Variants in LARS2 observed in about 807,000 individuals in gnomAD.
LARS2 encodes the protein leucine--tRNA ligase, mitochondrial.
In LARS2, 81 loss-of-function variants were observed where a neutral mutation model predicts 116.6. The observed-to-expected ratio is 0.69, with a 90% CI of 0.58 to 0.84. The LOEUF (loss-of-function observed/expected upper bound fraction) is 0.84, where lower values mean the gene tolerates loss of function less well. Ranked by LOEUF, LARS2 falls within the 40% of genes least tolerant of loss-of-function variation. The probability of loss-of-function intolerance (pLI) is 0.00; values close to 1 mark genes in which losing one functional copy is unlikely to be tolerated. For missense variants in LARS2, 968 were observed against 1,114.5 expected (o/e 0.87, Z 1.87); for synonymous variants, 396 against 407.2 (o/e 0.97, Z 0.33).
chr3:45,496,204 C>G, intron 13 of LARS2, 71 bp from the exon 14 acceptor site: 1 of 1,218,330 alleles, frequency 8.2e-7, no homozygotes, highest in Non-Finnish European at 1.2e-6. Flanking sequence ...TTATAGCTCT[C>G]TCAAAAGCTG....
At chr3:45,455,435 G>A (rs1699198870) in intron 7 of LARS2, among the ~76,000 whole-genome samples, 1 of 151,964 alleles carries the variant, frequency 6.6e-6, no homozygotes, top group African/African-American at 2.4e-5. Context: ...TCTGGAGTGG[G>A]GAGATGCCTC....
intron 6 of LARS2, among the ~76,000 whole-genome samples, chr3:45,438,453 C>T (rs1020903328): frequency 3.3e-4 from 50 of 151,980 alleles, no homozygotes; most frequent in Non-Finnish European, 4.7e-4. Flanking sequence ...ATCCCTGCCT[C>T]TCAGACCACT....
At chr3:45,528,796 A>G (rs1700571305) in intron 20 of LARS2, among the ~76,000 whole-genome samples, 1 of 152,018 alleles carries the variant, frequency 6.6e-6, no homozygotes. Context: ...GCGAGAGGTC[A>G]TCTTATAACC....
chr3:45,511,493 G>A (rs1700288171), intron 15 of LARS2, among the ~76,000 whole-genome samples: 1 of 151,930 alleles, frequency 6.6e-6, no homozygotes, highest in African/African-American at 2.4e-5. Flanking sequence ...TTACACAAGT[G>A]TGTTTTATAT....
chr3:45,494,424 T>A (rs78340690), intron 13 of LARS2, among the ~76,000 whole-genome samples: 59 of 152,362 alleles, frequency 3.9e-4, no homozygotes, highest in Non-Finnish European at 5.9e-4. Flanking sequence ...CAGTTCCTCT[T>A]GGGATTCCTC....
chr3:45,480,200 A>G (rs1699674944), intron 10 of LARS2, among the ~76,000 whole-genome samples: 1 of 151,862 alleles, frequency 6.6e-6, no homozygotes, highest in South Asian at 2.1e-4. Flanking sequence ...ATCTGGAATA[A>G]ACAAAAAAAA....
chr3:45,428,865 T>TTA lies in LARS2; in HGVS notation c.516+9148_516+9149dup, dbSNP rs527781545. 6.2e-3 allele frequency among the ~76,000 whole-genome samples: 940 copies of TTA among 151,564 alleles called. 10 individuals are homozygous for TTA. The highest frequency in any genetic ancestry group is 0.021 in the African/African-American group (888 of 41,400). ...CTTTATCTCTTTTTATTTATACATA[T>TTA]TATATATATATATTTCTCCCCCTGA... On this transcript the variant is annotated intron_variant, in intron 6 of 21. Transcript: ENST00000645846.
chr3:45,390,797 C>A (rs1026132948), intron 1 of LARS2, among the ~76,000 whole-genome samples: 1 of 151,912 alleles, frequency 6.6e-6, no homozygotes, highest in Non-Finnish European at 1.5e-5. Flanking sequence ...GGACTACAGG[C>A]GCCCGCCACC....
At chr3:45,391,410 G>T (rs1415092396) in intron 1 of LARS2, among the ~76,000 whole-genome samples, 173 bp from the exon 2 acceptor site, 1 of 151,466 alleles carries the variant, frequency 6.6e-6, no homozygotes. Flanking sequence ...TCTTGAACCC[G>T]GGAGGCGGAG....
At chr3:45,506,982 T>G (rs1427214192) in intron 15 of LARS2, 1 of 152,022 alleles carries the variant, frequency 6.6e-6, no homozygotes, top group Non-Finnish European at 1.5e-5. Context: ...AGTTGTGTGA[T>G]CTGAAATACC....
intron 8 of LARS2, among the ~76,000 whole-genome samples, chr3:45,469,475 A>G (rs1376168777): frequency 6.6e-6 from 1 of 152,088 alleles, no homozygotes; most frequent in Admixed American, 6.6e-5. Context: ...CCTCCCGAGC[A>G]GCTGGGATTA....
intron 11 of LARS2, among the ~76,000 whole-genome samples, chr3:45,487,524 G>A (rs1699836445): frequency 6.6e-6 from 1 of 152,164 alleles, no homozygotes; most frequent in Admixed American, 6.5e-5. Flanking sequence ...CACACAATGT[G>A]TTGTATCCAT....
chr3:45,534,675 G>A (rs1700673218), intron 20 of LARS2, among the ~76,000 whole-genome samples: 1 of 152,202 alleles, frequency 6.6e-6, no homozygotes, highest in South Asian at 2.1e-4. Flanking sequence ...TCTTAAGGGA[G>A]ATGTGAAGTC....
intron 13 of LARS2, among the ~76,000 whole-genome samples, chr3:45,493,995 T>G (rs1699968009): frequency 6.6e-6 from 1 of 152,160 alleles, no homozygotes; most frequent in African/African-American, 2.4e-5. Flanking sequence ...GTGTCTGTGT[T>G]CTGGTTGATT....
At chr3:45,513,270 C>A in intron 16 of LARS2, 35 bp downstream of exon 16, 1 of 1,384,702 alleles carries the variant, frequency 7.2e-7, no homozygotes, top group South Asian at 1.2e-5. Context: ...TCCAGGTACT[C>A]CCAGAGAGCC....
At chr3:45,493,821 A>G (rs1302343415) in intron 13 of LARS2, among the ~76,000 whole-genome samples, 1 of 152,112 alleles carries the variant, frequency 6.6e-6, no homozygotes, top group African/African-American at 2.4e-5. Context: ...GTTGCCTTCA[A>G]GTCCAACAAG....
At chr3:45,524,167 T>C (rs1700501485) in intron 20 of LARS2, 59 bp downstream of exon 20, 3 of 1,116,950 alleles carry the variant, frequency 2.7e-6, no homozygotes, top group Non-Finnish European at 4.1e-6. Flanking sequence ...TCGAAGCCTC[T>C]TTTTGAACAT....
rs1209381682 is a variant in LARS2 at position 45,502,238 on chromosome 3, T to G, written c.1760+1659T>G. ...ATCCTATGCTTTTATTTTTTCTAGATCGTTTCTCTTTTATTGATTTGTAAG... is the reference window on the plus strand; with the variant it reads ...ATCCTATGCTTTTATTTTTTCTAGAGCGTTTCTCTTTTATTGATTTGTAAG... On this transcript the variant is annotated intron_variant, in intron 15 of 21. Coordinates refer to ENST00000645846, the MANE Select transcript of LARS2 (RefSeq NM_015340.4). Among the ~76,000 whole-genome samples, 2 of 152,064 alleles carry G rather than the reference T, an allele frequency of 1.3e-5. 1 individual carries two copies. The highest frequency in any genetic ancestry group is 1.3e-4 in the Admixed American group (2 of 15,248).
At chr3:45,502,865 G>A (rs1700142550) in intron 15 of LARS2, among the ~76,000 whole-genome samples, 1 of 151,796 alleles carries the variant, frequency 6.6e-6, no homozygotes, top group African/African-American at 2.4e-5. Flanking sequence ...TATTTTCATG[G>A]TATCTTTTAA....
Sources: allele counts gnomAD v4.1 joint callset (sites outside exome capture counted in the v4.1 genomes callset), GRCh38; gene constraint gnomAD v4.1.1; transcripts MANE v1.5; gene names NCBI Gene and HGNC (gene_info 2026-07-23, HGNC 2026-07-21).